The following RBMS3 variants were observed in gnomAD, a reference collection of about 807,000 sequenced individuals.
The protein encoded by RBMS3 is RNA-binding motif, single-stranded-interacting protein 3.
In RBMS3, 27 loss-of-function variants were observed where a neutral mutation model predicts 66.8. The observed-to-expected ratio is 0.40, with a 90% confidence interval of 0.30 to 0.56. The LOEUF is 0.56. Among genes scored for constraint, RBMS3 ranks in the 20% least tolerant of loss-of-function variants. The pLI, the probability that RBMS3 is intolerant of heterozygous loss-of-function variation, is 0.40. For missense variants in RBMS3, 513 were observed against 549.5 expected (o/e 0.93, Z 0.66); for synonymous variants, 188 against 183.0 (o/e 1.03, Z -0.22).
intron 10 of RBMS3, among the ~76,000 whole-genome samples, chr3:29,900,456 T>TTC (rs2060225258): frequency 1.3e-5 from 2 of 151,812 alleles, no homozygotes; most frequent in African/African-American, 2.4e-5. Context: ...AAGTGAAAAG[T>TTC]ATGACGTATT....
At chr3:29,325,047 T>G (rs1316054572) in intron 1 of RBMS3, among the ~76,000 whole-genome samples, 2 of 152,172 alleles carry the variant, frequency 1.3e-5, no homozygotes, top group Non-Finnish European at 2.9e-5. Flanking sequence ...GGAAACAACT[T>G]GAATGTCCAT....
intron 1 of RBMS3, among the ~76,000 whole-genome samples, chr3:29,332,339 T>C (rs1559494689): frequency 6.6e-6 from 1 of 152,156 alleles, no homozygotes; most frequent in East Asian, 1.9e-4. Flanking sequence ...TTGTTTTTTT[T>C]CCTAAGGTCT....
At chr3:29,863,012 A>T (rs2059257541) in intron 6 of RBMS3, among the ~76,000 whole-genome samples, 1 of 152,190 alleles carries the variant, frequency 6.6e-6, no homozygotes. Context: ...CCTAAGAACA[A>T]GACGATTATG....
At chr3:29,301,839 G>C (rs1305154264) in intron 1 of RBMS3, among the ~76,000 whole-genome samples, 1 of 151,924 alleles carries the variant, frequency 6.6e-6, no homozygotes, top group African/African-American at 2.4e-5. Context: ...GATGGGGCCT[G>C]AGAACTAGTT....
intron 1 of RBMS3, among the ~76,000 whole-genome samples, chr3:29,388,132 T>A (rs2039100010): frequency 6.6e-6 from 1 of 152,166 alleles, no homozygotes; most frequent in Non-Finnish European, 1.5e-5. Context: ...TGTATATATG[T>A]GTATATTAAA....
At chr3:29,993,740 T>C (rs1359698232) in intron 14 of RBMS3, among the ~76,000 whole-genome samples, 1 of 152,240 alleles carries the variant, frequency 6.6e-6, no homozygotes, top group African/African-American at 2.4e-5. Context: ...CTGCCAGCTA[T>C]AGAACTAGAA....
chr3:29,323,996 G>A (rs1445778724), intron 1 of RBMS3, among the ~76,000 whole-genome samples: 4 of 145,502 alleles, frequency 2.7e-5, no homozygotes. Context: ...TGCCCACTCT[G>A]AAAAAAAAAA....
chr3:29,722,794 T>C (rs1228848707), intron 4 of RBMS3, among the ~76,000 whole-genome samples: 3 of 152,088 alleles, frequency 2.0e-5, no homozygotes, highest in Admixed American at 2.0e-4. Context: ...TGTGATGTCC[T>C]TCTCAGTGTA....
chr3:29,676,029 T>G (rs1164550254), intron 4 of RBMS3, among the ~76,000 whole-genome samples: 3 of 152,228 alleles, frequency 2.0e-5, no homozygotes, highest in African/African-American at 7.2e-5. Flanking sequence ...CCAACCAAGA[T>G]GTCCATCACT....
At chr3:29,448,368 G>C (rs996075281) in intron 2 of RBMS3, among the ~76,000 whole-genome samples, 2 of 152,222 alleles carry the variant, frequency 1.3e-5, no homozygotes, top group African/African-American at 4.8e-5. Context: ...CGTATTTCCA[G>C]GGAATGCTTT....
intron 10 of RBMS3, among the ~76,000 whole-genome samples, chr3:29,918,142 A>C (rs1255792862): frequency 6.6e-6 from 1 of 152,126 alleles, no homozygotes; most frequent in African/African-American, 2.4e-5. Context: ...ATTTCATTAT[A>C]TCTGGCTTGA....
At chr3:29,709,446 A>G (rs1035466712) in intron 4 of RBMS3, among the ~76,000 whole-genome samples, 1 of 152,218 alleles carries the variant, frequency 6.6e-6, no homozygotes, top group Non-Finnish European at 1.5e-5. Flanking sequence ...GAGAAAATGA[A>G]AAGAGTATAT....
At chr3:29,596,166 C>G (rs2047936057) in intron 4 of RBMS3, among the ~76,000 whole-genome samples, 2 of 152,142 alleles carry the variant, frequency 1.3e-5, no homozygotes, top group Non-Finnish European at 2.9e-5. Context: ...TTCCTGGCCC[C>G]AACTTTTAAC....
At chr3:29,594,171 C>T (rs1545638) in intron 4 of RBMS3, among the ~76,000 whole-genome samples, 22,607 of 152,158 alleles carry the variant, frequency 0.15, 1,928 homozygotes, top group East Asian at 0.32. Flanking sequence ...CCTGCATCTT[C>T]ATAACAATAG....
chr3:29,426,178 TTTTG>T (rs563133518), intron 1 of RBMS3, among the ~76,000 whole-genome samples: 76 of 152,216 alleles, frequency 5.0e-4, no homozygotes, highest in Non-Finnish European at 9.7e-4. Flanking sequence ...TATATGTTAA[TTTTG>T]TTTGTTTGTA....
At chr3:29,889,852 C>T (rs2059958171) in intron 8 of RBMS3, among the ~76,000 whole-genome samples, 1 of 151,596 alleles carries the variant, frequency 6.6e-6, no homozygotes, top group Non-Finnish European at 1.5e-5. Flanking sequence ...AGCAAGTTGA[C>T]ATCAGGGAAA....
chr3:29,328,583 T>C (rs2035475396), intron 1 of RBMS3, among the ~76,000 whole-genome samples: 1 of 152,174 alleles, frequency 6.6e-6, no homozygotes, highest in Non-Finnish European at 1.5e-5. Context: ...GGTAAATTTA[T>C]TGGTAGTTAA....
At chr3:29,965,811 A>G (rs1696801254) in intron 12 of RBMS3, among the ~76,000 whole-genome samples, 1 of 152,178 alleles carries the variant, frequency 6.6e-6, no homozygotes, top group Admixed American at 6.5e-5. Context: ...GCCTAAGCCA[A>G]TGTCTCGAAG....
chr3:29,365,495 T>C (rs925010596), intron 1 of RBMS3, among the ~76,000 whole-genome samples: 3 of 152,196 alleles, frequency 2.0e-5, no homozygotes, highest in African/African-American at 7.2e-5. Context: ...GATTGACATC[T>C]GGATCTTCTA....
Sources: gnomAD v4.1 joint callset for allele counts (sites outside exome capture counted in the v4.1 genomes callset) on GRCh38, gnomAD v4.1.1 for gene constraint, MANE v1.5 for transcripts, NCBI Gene and HGNC (gene_info 2026-07-23, HGNC 2026-07-21) for gene names.